Variants in NRG4 observed in about 807,000 individuals in gnomAD.
NRG4 encodes pro-neuregulin-4, membrane-bound isoform.
A neutral mutation model predicts 15.0 loss-of-function variants in NRG4; 10 were observed. That is an observed-to-expected ratio of 0.67 (90% CI 0.41 to 1.13). The LOEUF (loss-of-function observed/expected upper bound fraction) is 1.13. Ranked by LOEUF, NRG4 falls within the 50% of genes most tolerant of loss-of-function variation. NRG4 has a pLI of 0.00. For missense variants in NRG4, 139 were observed against 140.2 expected, an observed-to-expected ratio of 0.99 and a Z score of 0.04; for synonymous variants, 41 against 50.1, an observed-to-expected ratio of 0.82 and a Z score of 0.77.
chr15:76,007,314 T>C (rs2047414), intron 3 of NRG4, among the ~76,000 whole-genome samples: 2,993 of 152,240 alleles, frequency 0.02, 96 homozygotes, highest in African/African-American at 0.068. Context: ...GATCAATTGA[T>C]TTTTGACAAA....
intron 3 of NRG4, among the ~76,000 whole-genome samples, chr15:76,004,538 G>A (rs2034528226): frequency 6.6e-6 from 1 of 150,752 alleles, no homozygotes; most frequent in Non-Finnish European, 1.5e-5. Flanking sequence ...GGCAGAGGTT[G>A]CAGTGGGCCG....
intron 5 of NRG4, among the ~76,000 whole-genome samples, chr15:76,023,183 C>A (rs67858640): frequency 0.061 from 6,881 of 112,440 alleles, 216 homozygotes; most frequent in Middle Eastern, 0.1. Flanking sequence ...CACACACACA[C>A]AAGCAAGGAC....
At chr15:76,058,361 A>G (rs570600266) in intron 1 of NRG4, among the ~76,000 whole-genome samples, 8 of 152,164 alleles carry the variant, frequency 5.3e-5, no homozygotes, top group Non-Finnish European at 1.0e-4. Flanking sequence ...CCACCATTAG[A>G]GATTAGAGAT....
At chr15:75,981,417 T>G (rs1297837594) in intron 3 of NRG4, among the ~76,000 whole-genome samples, 3 of 152,102 alleles carry the variant, frequency 2.0e-5, no homozygotes, top group Admixed American at 1.3e-4. Context: ...CTGAGTAAAT[T>G]ATAATATGGT....
At chr15:75,949,382 G>A (rs563003072) in intron 5 of NRG4, among the ~76,000 whole-genome samples, 107 of 71,080 alleles carry the variant, frequency 1.5e-3, no homozygotes, top group Non-Finnish European at 2.7e-3. Flanking sequence ...CTGCACTCCA[G>A]CCTGGGTGAC....
In NRG4 at chr15:75,985,962, A is replaced by C. The variant is rs140754219; in HGVS notation, c.104+23238T>G. Among the ~76,000 whole-genome samples the C allele has an allele frequency of 2.0e-5, 3 of 152,332 alleles. No individual in the cohort carries two copies. In the East Asian group the frequency reaches 5.8e-4, roughly 29 times the overall value. On this transcript the variant is annotated intron_variant, in intron 3 of 5. Coordinates refer to ENST00000394907, the MANE Select transcript of NRG4 (RefSeq NM_138573.4). ...TATATAAACAATTTCTACGATGGCT[A>C]CTATAAGAATACAACTTAATAGAAC...
intron 5 of NRG4, chr15:75,950,938 T>A (rs1267415176): frequency 9.9e-6 from 2 of 202,322 alleles, no homozygotes; most frequent in Non-Finnish European, 1.1e-5. Flanking sequence ...CTAAAGATCA[T>A]CACCATGCCA....
intron 5 of NRG4, among the ~76,000 whole-genome samples, chr15:75,944,943 CT>C (rs5813811): frequency 0.042 from 6,150 of 146,184 alleles, 219 homozygotes; most frequent in African/African-American, 0.095. Context: ...TAATTTAATA[CT>C]TTTTTTAATA....
intron 5 of NRG4, among the ~76,000 whole-genome samples, chr15:75,947,184 G>A (rs543197834): frequency 1.3e-5 from 2 of 152,286 alleles, no homozygotes; most frequent in African/African-American, 4.8e-5. Flanking sequence ...TCCTCAGACT[G>A]GCCCATTGCT....
chr15:76,006,468 A>AT (rs554154512), intron 3 of NRG4, among the ~76,000 whole-genome samples: 1 of 151,792 alleles, frequency 6.6e-6, no homozygotes, highest in African/African-American at 2.4e-5. Flanking sequence ...TGCAGTCACT[A>AT]TTTTTTTTAT....
At chr15:76,028,626 G>A (rs948402476) in intron 5 of NRG4, among the ~76,000 whole-genome samples, 2 of 151,830 alleles carry the variant, frequency 1.3e-5, no homozygotes, top group Non-Finnish European at 1.5e-5. Flanking sequence ...CCAGCTGGGT[G>A]TGGTGGCTCA....
At chr15:75,997,723 G>A (rs138090859) in intron 3 of NRG4, among the ~76,000 whole-genome samples, 163 of 152,312 alleles carry the variant, frequency 1.1e-3, no homozygotes, top group Non-Finnish European at 2.0e-3. Context: ...ATGCCAGTCA[G>A]GCAGCCCTTC....
At chr15:76,037,876 G>A (rs529012878) in intron 4 of NRG4, among the ~76,000 whole-genome samples, 5 of 152,286 alleles carry the variant, frequency 3.3e-5, no homozygotes, top group African/African-American at 1.2e-4. Flanking sequence ...AGAGTAAAGA[G>A]GAATTTTGTC....
chr15:75,960,422 C>T (rs2032459112), intron 4 of NRG4, among the ~76,000 whole-genome samples: 1 of 152,154 alleles, frequency 6.6e-6, no homozygotes, highest in African/African-American at 2.4e-5. Context: ...TCTCATGATT[C>T]TGTGGGTTGA....
intron 3 of NRG4, among the ~76,000 whole-genome samples, chr15:76,005,245 A>G (rs2034554346): frequency 6.6e-6 from 1 of 151,832 alleles, no homozygotes; most frequent in Admixed American, 6.6e-5. Flanking sequence ...TGCCAAGTGC[A>G]GTGTTGTGTG....
At chr15:76,050,535 A>G (rs1238247460) in intron 4 of NRG4, among the ~76,000 whole-genome samples, 1 of 143,620 alleles carries the variant, frequency 7.0e-6, no homozygotes, top group African/African-American at 2.7e-5. Flanking sequence ...GGTTCAAGCA[A>G]TTCTCTTCCC....
intron 1 of NRG4, among the ~76,000 whole-genome samples, chr15:76,057,514 G>A (rs2036180879): frequency 6.6e-6 from 1 of 152,168 alleles, no homozygotes; most frequent in Non-Finnish European, 1.5e-5. Context: ...AGAAGGCCCA[G>A]TTTGAAGAAT....
chr15:75,998,966 G>A (rs575355239), intron 3 of NRG4, among the ~76,000 whole-genome samples: 13 of 152,202 alleles, frequency 8.5e-5, no homozygotes, highest in African/African-American at 1.9e-4. Context: ...AGGGAGTGCC[G>A]CAAAAACTAG....
At chr15:76,026,646 T>A (rs1567117918) in intron 5 of NRG4, among the ~76,000 whole-genome samples, 1 of 152,036 alleles carries the variant, frequency 6.6e-6, no homozygotes, top group East Asian at 1.9e-4. Flanking sequence ...GAGAAAGGAT[T>A]CAAACCATTT....
Sources: gnomAD v4.1 joint callset for allele counts (sites outside exome capture counted in the v4.1 genomes callset) on GRCh38, gnomAD v4.1.1 for gene constraint, MANE v1.5 for transcripts, NCBI Gene and HGNC (gene_info 2026-07-23, HGNC 2026-07-21) for gene names.